The following ANKRD6 variants were observed in gnomAD, a reference collection of about 807,000 sequenced individuals.
ANKRD6 encodes the protein ankyrin repeat domain-containing protein 6.
Under a neutral mutation model 82.3 loss-of-function variants are expected in ANKRD6, and 56 were observed. The observed-to-expected ratio is 0.68, with a 90% CI of 0.55 to 0.85. The LOEUF (loss-of-function observed/expected upper bound fraction) is 0.85, where lower values mean the gene tolerates loss of function less well. ANKRD6 is among the 40% of genes least tolerant of loss of function. The pLI is 0.00. For synonymous variants in ANKRD6, 347 were observed against 352.1 expected, an observed-to-expected ratio of 0.99 and a Z score of 0.16; for missense variants, 852 against 907.6, an observed-to-expected ratio of 0.94 and a Z score of 0.79.
At chr6:89,511,436 A>G (rs1780538474) in intron 1 of ANKRD6, among the ~76,000 whole-genome samples, 1 of 152,176 alleles carries the variant, frequency 6.6e-6, no homozygotes, top group African/African-American at 2.4e-5. Context: ...CTCATCTTGC[A>G]TTATTTAAGA....
At chr6:89,457,300 G>A (rs1311215778) in intron 1 of ANKRD6, among the ~76,000 whole-genome samples, 1 of 152,212 alleles carries the variant, frequency 6.6e-6, no homozygotes, top group South Asian at 2.1e-4. Context: ...CTTCACAAGG[G>A]TGTTAATTAT....
intron 1 of ANKRD6, among the ~76,000 whole-genome samples, chr6:89,544,545 G>T (rs561130663): frequency 1.3e-4 from 19 of 151,168 alleles, no homozygotes; most frequent in South Asian, 2.1e-4. Flanking sequence ...AAACCCCATC[G>T]CTACTAATAA....
chr6:89,630,934 T>C lies in ANKRD6; in HGVS notation c.2114T>C (p.Leu705Ser). The change falls in exon 16 of 16, where the codon TTG becomes TCG. Residue 705 changes from leucine to serine, a missense_variant. Physicochemically the swap from Leu to Ser is moderately radical, Grantham distance 145. Coordinates refer to ENST00000339746, the MANE Select transcript of ANKRD6 (RefSeq NM_001242809.2). ...AAAGCCCAGCAAGATAAGGCTACAT[T>C]GAAGGAACACATTAAAAGTTTAGAA... Reference protein sequence around the residue: ...NQKAQQDKATLKEHIKSLEEE... With the variant: ...NQKAQQDKATSKEHIKSLEEE... 1 of 1,607,356 alleles carries C rather than the reference T, an allele frequency of 6.2e-7. No homozygotes were observed. Among genetic ancestry groups the C allele is most frequent in the Non-Finnish European group, 8.5e-7 (1 of 1,176,708 alleles).
At chr6:89,580,224 A>T (rs1315662439) in intron 2 of ANKRD6, among the ~76,000 whole-genome samples, 2 of 137,504 alleles carry the variant, frequency 1.5e-5, no homozygotes, top group Non-Finnish European at 3.2e-5. Flanking sequence ...TTTTTTTTTT[A>T]AAGATAACTC....
At chr6:89,479,104 G>A (rs531277038) in intron 1 of ANKRD6, among the ~76,000 whole-genome samples, 73 of 152,234 alleles carry the variant, frequency 4.8e-4, no homozygotes, top group African/African-American at 1.7e-3. Context: ...TCTCTGTCTC[G>A]AAGGTACCTA....
chr6:89,447,750 G>T (rs781035345), intron 1 of ANKRD6, among the ~76,000 whole-genome samples: 7 of 152,124 alleles, frequency 4.6e-5, no homozygotes, highest in Non-Finnish European at 7.3e-5. Flanking sequence ...GAGCAATGGT[G>T]TGATGTCGGG....
intron 10 of ANKRD6, among the ~76,000 whole-genome samples, chr6:89,622,664 C>A (rs1803910488): frequency 6.6e-6 from 1 of 152,194 alleles, no homozygotes; most frequent in Admixed American, 6.5e-5. Context: ...AGAGCCCGAG[C>A]TGATTTCAGC....
At chr6:89,446,380 A>C (rs995159757) in intron 1 of ANKRD6, among the ~76,000 whole-genome samples, 2 of 152,102 alleles carry the variant, frequency 1.3e-5, no homozygotes, top group Non-Finnish European at 2.9e-5. Flanking sequence ...AAATTAAATA[A>C]AATTAGGTGA....
chr6:89,549,386 C>T (rs1242812062), intron 1 of ANKRD6, among the ~76,000 whole-genome samples: 3 of 85,122 alleles, frequency 3.5e-5, no homozygotes, highest in Admixed American at 1.3e-4. Context: ...CACCCCCAAT[C>T]CCCCACCACC....
intron 1 of ANKRD6, among the ~76,000 whole-genome samples, chr6:89,460,894 C>T (rs903894287): frequency 2.4e-5 from 3 of 127,096 alleles, no homozygotes; most frequent in East Asian, 2.4e-4. Flanking sequence ...AATACTACAT[C>T]GGTGTTTTGG....
intron 9 of ANKRD6, among the ~76,000 whole-genome samples, chr6:89,620,607 C>T (rs968208439): frequency 1.3e-5 from 2 of 152,150 alleles, no homozygotes; most frequent in Admixed American, 1.3e-4. Context: ...AGGTTTCCAT[C>T]AACTCAAAGA....
At chr6:89,492,080 T>C (rs1294851367) in intron 1 of ANKRD6, among the ~76,000 whole-genome samples, 1 of 152,380 alleles carries the variant, frequency 6.6e-6, no homozygotes, top group Admixed American at 6.5e-5. Context: ...TGAATAAATG[T>C]GCATGCTTTT....
chr6:89,500,348 A>G (rs1262150334), intron 1 of ANKRD6, among the ~76,000 whole-genome samples: 1 of 152,160 alleles, frequency 6.6e-6, no homozygotes, highest in Non-Finnish European at 1.5e-5. Flanking sequence ...GATATTGAAG[A>G]TAGAAATACT....
intron 3 of ANKRD6, among the ~76,000 whole-genome samples, chr6:89,600,351 C>T (rs960838618): frequency 1.3e-5 from 2 of 152,144 alleles, no homozygotes; most frequent in Admixed American, 1.3e-4. Context: ...TTAGTCTGTG[C>T]CGTACCATCC....
rs1342571697 is a variant in ANKRD6 at position 89,633,767 on chromosome 6, G to A, written c.*2763G>A. On this transcript the variant is annotated 3_prime_UTR_variant, in exon 16 of 16. Coordinates refer to ENST00000339746, the MANE Select transcript of ANKRD6 (RefSeq NM_001242809.2). The stretch of plus-strand genomic sequence containing the variant: ...TTAATATTTTTATCACCTTGAATTT[G>A]TGTCTCTTCCAAGCATTAAAGATAC... The A allele has an allele frequency of 6.6e-6, 1 of 152,100 alleles. No homozygotes were observed. The highest frequency in any genetic ancestry group is 2.4e-5 in the African/African-American group (1 of 41,408). 9.4% of individuals were successfully genotyped at this position (152,100 alleles called of 1,614,324 possible). A position where few individuals can be genotyped will look rare whatever the true frequency, so the allele number is the denominator to read the frequency against.
chr6:89,489,823 C>A (rs899958360), intron 1 of ANKRD6, among the ~76,000 whole-genome samples: 1 of 152,172 alleles, frequency 6.6e-6, no homozygotes, highest in Non-Finnish European at 1.5e-5. Context: ...GCTCCATGAA[C>A]TGTGGAGCCC....
chr6:89,489,601 C>G (rs1309702376), intron 1 of ANKRD6, among the ~76,000 whole-genome samples: 2 of 152,174 alleles, frequency 1.3e-5, no homozygotes, highest in East Asian at 1.9e-4. Flanking sequence ...ATAAAAACAT[C>G]ATTGGAAAAG....
chr6:89,607,163 C>T (rs1328575693), intron 5 of ANKRD6, among the ~76,000 whole-genome samples: 1 of 106,186 alleles, frequency 9.4e-6, no homozygotes, highest in East Asian at 2.6e-4. Flanking sequence ...GAGTGAGACC[C>T]GGTCTCAAAA....
rs1013957697 is a variant in ANKRD6, at chr6:89,631,386, C to A, written c.*382C>A. The stretch of plus-strand genomic sequence containing the variant: ...AAAAGCAAGAAAAACGTAATCCCGT[C>A]TGAACTCAAGTAGTCATTCATATAA... On this transcript the variant is annotated 3_prime_UTR_variant, in exon 16 of 16. Coordinates refer to ENST00000339746, the MANE Select transcript of ANKRD6 (RefSeq NM_001242809.2). 1 of 162,244 alleles carries A rather than the reference C, an allele frequency of 6.2e-6. No individual in the cohort carries two copies. The highest frequency in any genetic ancestry group is 2.4e-5 in the African/African-American group (1 of 41,604). 10.1% of individuals were successfully genotyped at this position (162,244 alleles called of 1,614,324 possible). A position where few individuals can be genotyped will look rare whatever the true frequency, so the allele number is the denominator to read the frequency against.
Sources: gnomAD v4.1 joint callset for allele counts (sites outside exome capture counted in the v4.1 genomes callset) on GRCh38, gnomAD v4.1.1 for gene constraint, MANE v1.5 for transcripts, NCBI Gene and HGNC (gene_info 2026-07-23, HGNC 2026-07-21) for gene names.